The following CDYL variants were observed in gnomAD, a reference collection of about 807,000 sequenced individuals.
The protein encoded by CDYL is chromodomain Y like, also known as chromodomain Y-like protein.
In CDYL, 8 loss-of-function variants were observed where a neutral mutation model predicts 47.3. The observed-to-expected ratio is 0.17, with a 90% confidence interval of 0.10 to 0.31. CDYL has a LOEUF of 0.31. Ranked by LOEUF, CDYL falls within the 10% of genes least tolerant of loss-of-function variation. The pLI, the probability that CDYL is intolerant of heterozygous loss-of-function variation, is 1.00. For missense variants in CDYL, 471 were observed against 701.4 expected (o/e 0.67, Z 3.71); for synonymous variants, 266 against 265.0 (o/e 1.00, Z -0.04).
intron 1 of CDYL, among the ~76,000 whole-genome samples, chr6:4,708,470 A>G (rs2127405486): frequency 6.6e-6 from 1 of 152,202 alleles, no homozygotes; most frequent in East Asian, 1.9e-4. Flanking sequence ...ATATATTTTT[A>G]ATTGTATTTT....
intron 1 of CDYL, among the ~76,000 whole-genome samples, chr6:4,879,633 A>G (rs1209888002): frequency 1.5e-5 from 2 of 133,646 alleles, no homozygotes; most frequent in Non-Finnish European, 3.0e-5. Context: ...ATCTTGGCTC[A>G]TTGCAACCTC....
chr6:4,795,866 C>T (rs1187369856), intron 1 of CDYL, among the ~76,000 whole-genome samples: 1 of 152,048 alleles, frequency 6.6e-6, no homozygotes, highest in Non-Finnish European at 1.5e-5. Context: ...CTTTCATGAA[C>T]ATTATCCTCT....
intron 4 of CDYL, among the ~76,000 whole-genome samples, chr6:4,940,875 C>T (rs1167094551): frequency 6.6e-6 from 1 of 152,220 alleles, no homozygotes; most frequent in African/African-American, 2.4e-5. Context: ...GTCCTTCAAA[C>T]GAAGGTGCCA....
chr6:4,830,649 A>G (rs1266250163), intron 1 of CDYL, among the ~76,000 whole-genome samples: 4 of 151,890 alleles, frequency 2.6e-5, no homozygotes, highest in Non-Finnish European at 5.9e-5. Context: ...CATGTGCACA[A>G]TGTGCAGGTT....
At chr6:4,847,418 A>T (rs1361920809) in intron 1 of CDYL, among the ~76,000 whole-genome samples, 1 of 152,090 alleles carries the variant, frequency 6.6e-6, no homozygotes, top group Non-Finnish European at 1.5e-5. Flanking sequence ...GTTGAAATTA[A>T]ATTTATTGCT....
chr6:4,753,623 T>A (rs747112229), intron 3 of CDYL, among the ~76,000 whole-genome samples: 2 of 152,162 alleles, frequency 1.3e-5, no homozygotes, highest in Non-Finnish European at 2.9e-5. Flanking sequence ...TTGACTGAAC[T>A]GTGCTTACAT....
At chr6:4,883,074 T>C (rs1005007102) in intron 1 of CDYL, among the ~76,000 whole-genome samples, 5 of 152,186 alleles carry the variant, frequency 3.3e-5, no homozygotes, top group African/African-American at 1.2e-4. Flanking sequence ...GCCTTGTCCC[T>C]CTTGCATCTG....
At chr6:4,719,715 T>C (rs1757334380) in intron 2 of CDYL, among the ~76,000 whole-genome samples, 1 of 152,124 alleles carries the variant, frequency 6.6e-6, no homozygotes, top group South Asian at 2.1e-4. Context: ...GGATGAGTCA[T>C]TTTGAATTAG....
At chr6:4,909,660 C>G (rs1757347215) in intron 2 of CDYL, among the ~76,000 whole-genome samples, 1 of 152,142 alleles carries the variant, frequency 6.6e-6, no homozygotes, top group Non-Finnish European at 1.5e-5. Context: ...AGCTCCGCCT[C>G]CCGTCTTCAT....
chr6:4,814,124 A>G (rs983695745), intron 1 of CDYL, among the ~76,000 whole-genome samples: 1 of 152,274 alleles, frequency 6.6e-6, no homozygotes, highest in East Asian at 1.9e-4. Context: ...GTGCATCTGG[A>G]TAGGTAGCAT....
intron 1 of CDYL, among the ~76,000 whole-genome samples, chr6:4,882,383 T>C (rs1581233281): frequency 6.6e-6 from 1 of 152,086 alleles, no homozygotes; most frequent in Non-Finnish European, 1.5e-5. Context: ...TGAGGGGAAA[T>C]TGGGGAGATA....
chr6:4,952,128 G>C (rs1028509834), intron 5 of CDYL, 138 bp from the exon 6 acceptor site: 12 of 898,922 alleles, frequency 1.3e-5, no homozygotes, highest in Non-Finnish European at 2.0e-5. Context: ...GTTCCCAGCG[G>C]CCCCTAGAGG....
At chr6:4,927,998 TTCTAGCTCATCATTTTCC>T (rs1457748021) in intron 2 of CDYL, among the ~76,000 whole-genome samples, 3 of 152,240 alleles carry the variant, frequency 2.0e-5, no homozygotes, top group Non-Finnish European at 2.9e-5. Flanking sequence ...CTTAAACTGA[TTCTAGCTCATCATTTTCC>T]TCTAGCTCAT....
chr6:4,882,505 TAAAGG>T (rs1761790891), intron 1 of CDYL, among the ~76,000 whole-genome samples: 1 of 152,108 alleles, frequency 6.6e-6, no homozygotes, highest in Non-Finnish European at 1.5e-5. Flanking sequence ...TTCAAACAGT[TAAAGG>T]AGAGAAATTG....
chr6:4,783,949 A>G (rs1414196136), intron 1 of CDYL, among the ~76,000 whole-genome samples: 1 of 151,792 alleles, frequency 6.6e-6, no homozygotes, highest in African/African-American at 2.4e-5. Context: ...CCTTCTCTGT[A>G]CTCGTCAGGA....
At chr6:4,756,826 C>T in intron 3 of CDYL, among the ~76,000 whole-genome samples, 1 of 152,076 alleles carries the variant, frequency 6.6e-6, no homozygotes, top group East Asian at 1.9e-4. Flanking sequence ...GAATTCCAAT[C>T]CAATCAGCTG....
chr6:4,931,601 A>G (rs865775176), intron 2 of CDYL, among the ~76,000 whole-genome samples: 8 of 152,192 alleles, frequency 5.3e-5, no homozygotes, highest in Non-Finnish European at 1.0e-4. Context: ...GGTCCTAGTC[A>G]GTGCTGGCAG....
intron 3 of CDYL, among the ~76,000 whole-genome samples, chr6:4,764,421 C>A (rs1758221341): frequency 6.6e-6 from 1 of 152,102 alleles, no homozygotes; most frequent in Admixed American, 6.5e-5. Context: ...TCCTGAGTAG[C>A]TGGGATTACA....
At chr6:4,731,022 A>G (rs1468610233) in intron 2 of CDYL, among the ~76,000 whole-genome samples, 3 of 152,224 alleles carry the variant, frequency 2.0e-5, no homozygotes, top group Non-Finnish European at 4.4e-5. Context: ...CATGTTTTCA[A>G]CGTCTGGGCC....
Sources: gnomAD v4.1 joint callset for allele counts (sites outside exome capture counted in the v4.1 genomes callset) on GRCh38, gnomAD v4.1.1 for gene constraint, MANE v1.5 for transcripts, NCBI Gene and HGNC (gene_info 2026-07-23, HGNC 2026-07-21) for gene names.